The following MAGI2 variants were observed in gnomAD, a reference collection of about 807,000 sequenced individuals.
MAGI2 encodes the protein membrane associated guanylate kinase, WW and PDZ domain containing 2, also known as membrane-associated guanylate kinase, WW and PDZ domain-containing protein 2.
Under a neutral mutation model 133.3 loss-of-function variants are expected in MAGI2, and 35 were observed. The ratio of observed to expected loss-of-function variants is 0.26; its 90% confidence interval spans 0.20 to 0.35. The LOEUF is 0.35. Ranked by LOEUF, MAGI2 falls within the 10% of genes least tolerant of loss-of-function variation. The pLI is 1.00. For synonymous variants in MAGI2, 729 were observed against 710.6 expected (o/e 1.03, Z -0.41); for missense variants, 1,636 against 1,863.4 (o/e 0.88, Z 2.25).
At chr7:78,958,322 A>T (rs969674376) in intron 2 of MAGI2, among the ~76,000 whole-genome samples, 1 of 152,122 alleles carries the variant, frequency 6.6e-6, no homozygotes, top group Non-Finnish European at 1.5e-5. Flanking sequence ...GGGTGAGATG[A>T]CATAGGCTTT....
At chr7:78,305,166 C>G (rs537112162) in intron 9 of MAGI2, among the ~76,000 whole-genome samples, 1 of 152,258 alleles carries the variant, frequency 6.6e-6, no homozygotes, top group Non-Finnish European at 1.5e-5. Flanking sequence ...TTCGGAACCC[C>G]TTAACATGCC....
At chr7:78,850,051 C>T (rs1391115446) in intron 2 of MAGI2, among the ~76,000 whole-genome samples, 5 of 152,010 alleles carry the variant, frequency 3.3e-5, no homozygotes, top group Non-Finnish European at 5.9e-5. Flanking sequence ...GTTTTCCCAA[C>T]TATACAATAA....
chr7:78,789,185 C>T (rs1012531353), intron 2 of MAGI2, among the ~76,000 whole-genome samples: 1 of 152,144 alleles, frequency 6.6e-6, no homozygotes, highest in African/African-American at 2.4e-5. Flanking sequence ...TTCCTGTTCT[C>T]TCCTCTCCCT....
chr7:78,489,538 A>G (rs1793395154), intron 6 of MAGI2, among the ~76,000 whole-genome samples: 1 of 152,134 alleles, frequency 6.6e-6, no homozygotes, highest in Non-Finnish European at 1.5e-5. Context: ...AACAGAGATG[A>G]CAGAGATGTG....
At chr7:78,099,975 C>A (rs1173451972) in intron 20 of MAGI2, among the ~76,000 whole-genome samples, 2 of 152,200 alleles carry the variant, frequency 1.3e-5, no homozygotes, top group Non-Finnish European at 2.9e-5. Context: ...GATTCTTACA[C>A]TCTTCTTACA....
intron 2 of MAGI2, among the ~76,000 whole-genome samples, chr7:78,794,934 T>G (rs1244811846): frequency 6.6e-6 from 1 of 152,134 alleles, no homozygotes; most frequent in African/African-American, 2.4e-5. Flanking sequence ...CTCACTATGT[T>G]TGCCAGGCTG....
chr7:78,639,782 A>C (rs2084466580), intron 2 of MAGI2, among the ~76,000 whole-genome samples: 1 of 152,204 alleles, frequency 6.6e-6, no homozygotes, highest in African/African-American at 2.4e-5. Context: ...CATTCAGGCC[A>C]GTGTGACTGT....
chr7:79,188,270 C>T (rs1451047669), intron 1 of MAGI2, among the ~76,000 whole-genome samples: 2 of 151,716 alleles, frequency 1.3e-5, no homozygotes, highest in Non-Finnish European at 2.9e-5. Flanking sequence ...GCTCTCCCTA[C>T]CCTTTCCACC....
intron 2 of MAGI2, among the ~76,000 whole-genome samples, chr7:78,716,867 T>C (rs1819758137): frequency 6.6e-6 from 1 of 152,134 alleles, no homozygotes; most frequent in Non-Finnish European, 1.5e-5. Flanking sequence ...CAATCTTATT[T>C]ACAGCTTAAA....
At chr7:78,086,502 G>T (rs1416916379) in intron 20 of MAGI2, among the ~76,000 whole-genome samples, 1 of 151,380 alleles carries the variant, frequency 6.6e-6, no homozygotes, top group Non-Finnish European at 1.5e-5. Flanking sequence ...CTCCCAAAGT[G>T]CTGGGATTAC....
chr7:79,054,344 T>C (rs1175294661), intron 1 of MAGI2, among the ~76,000 whole-genome samples: 1 of 152,200 alleles, frequency 6.6e-6, no homozygotes, highest in Admixed American at 6.5e-5. Flanking sequence ...AATATAAATT[T>C]ATAGCTCCAT....
At chr7:79,211,754 T>C (rs763567014) in intron 1 of MAGI2, among the ~76,000 whole-genome samples, 3 of 152,206 alleles carry the variant, frequency 2.0e-5, no homozygotes, top group South Asian at 2.1e-4. Context: ...TTTTGTAAAA[T>C]GACACAGGTT....
chr7:78,445,757 C>A (rs1191414228), intron 6 of MAGI2, among the ~76,000 whole-genome samples: 1 of 151,912 alleles, frequency 6.6e-6, no homozygotes, highest in Non-Finnish European at 1.5e-5. Flanking sequence ...TTAAATGTGA[C>A]AATTTCAGGA....
rs187156059 is a variant in MAGI2, at chr7:79,014,585, T to C, written c.302-7379A>G. 3.5e-3 allele frequency among the ~76,000 whole-genome samples: 538 copies of C among 152,188 alleles called. 30 individuals are homozygous for C. Among genetic ancestry groups the C allele is most frequent in the Admixed American group, 0.035 (530 of 15,278 alleles). On this transcript the variant is annotated intron_variant, in intron 1 of 21. Transcript: ENST00000354212. Reference sequence around the variant, plus strand: ...ATTCAGCATAATGAAAGGAAAAATATATATGGGTAAAAGGGACATAATAAT... The same window carrying C: ...ATTCAGCATAATGAAAGGAAAAATACATATGGGTAAAAGGGACATAATAAT...
intron 1 of MAGI2, among the ~76,000 whole-genome samples, chr7:79,442,312 A>G (rs1848545216): frequency 6.6e-6 from 1 of 152,190 alleles, no homozygotes; most frequent in Non-Finnish European, 1.5e-5. Context: ...TGACTATGCA[A>G]GCTTTCCAGC....
At chr7:78,195,099 A>G in intron 11 of MAGI2, 36 bp from the exon 12 acceptor site, 2 of 1,521,878 alleles carry the variant, frequency 1.3e-6, no homozygotes, top group Non-Finnish European at 8.9e-7. Context: ...AATGACTGAC[A>G]AATTCTTCCT....
intron 1 of MAGI2, among the ~76,000 whole-genome samples, chr7:79,383,013 A>C (rs1447015424): frequency 1.3e-5 from 2 of 151,618 alleles, no homozygotes; most frequent in Non-Finnish European, 3.0e-5. Flanking sequence ...AAGATCAGAA[A>C]CTTGTTTCTT....
chr7:78,482,878 TACACACACACACACACACACAC>T (rs3086358), intron 6 of MAGI2, among the ~76,000 whole-genome samples: 4 of 89,884 alleles, frequency 4.5e-5, no homozygotes, highest in African/African-American at 8.1e-5. Flanking sequence ...CACATGGAAC[TACACACACACACACACACACAC>T]ACACACACAC....
At chr7:79,424,128 C>T (rs1234770272) in intron 1 of MAGI2, among the ~76,000 whole-genome samples, 2 of 152,078 alleles carry the variant, frequency 1.3e-5, no homozygotes, top group Non-Finnish European at 2.9e-5. Context: ...CACAAATAAT[C>T]TGAGGCCATA....
Sources: gnomAD v4.1 joint callset for allele counts (sites outside exome capture counted in the v4.1 genomes callset) on GRCh38, gnomAD v4.1.1 for gene constraint, MANE v1.5 for transcripts, NCBI Gene and HGNC (gene_info 2026-07-23, HGNC 2026-07-21) for gene names.